Variants in GNAQ observed in about 807,000 individuals in gnomAD.
GNAQ encodes the protein guanine nucleotide-binding protein G(q) subunit alpha.
Under a neutral mutation model 43.9 loss-of-function variants are expected in GNAQ, and 8 were observed. The ratio of observed to expected loss-of-function variants is 0.18; its 90% CI spans 0.11 to 0.33. The LOEUF (loss-of-function observed/expected upper bound fraction) is 0.33, where lower values mean the gene tolerates loss of function less well. Ranked by LOEUF, GNAQ falls within the 10% of genes least tolerant of loss-of-function variation. GNAQ has a pLI of 1.00. For synonymous variants in GNAQ, 155 were observed against 170.7 expected, an observed-to-expected ratio of 0.91 and a Z score of 0.71; for missense variants, 158 against 450.8, an observed-to-expected ratio of 0.35 and a Z score of 5.88.
At chr9:77,786,672 C>T (rs964921941) in intron 5 of GNAQ, among the ~76,000 whole-genome samples, 27 of 152,242 alleles carry the variant, frequency 1.8e-4, no homozygotes, top group Admixed American at 7.2e-4. Flanking sequence ...ATGGAACAGA[C>T]GGATAATGCC....
rs189489178 is a variant in GNAQ at position 77,825,171 on chromosome 9, A to G, written c.322-9401T>C. Among the ~76,000 whole-genome samples, 11 of 152,380 alleles carry G rather than the reference A, an allele frequency of 7.2e-5. No individual in the cohort carries two copies. The East Asian group carries it at 2.1e-3, about 29-fold the overall frequency. On this transcript the variant is annotated intron_variant, in intron 2 of 6. Transcript: ENST00000286548. The stretch of plus-strand genomic sequence containing the variant: ...CAACTTTCTTTAGAAACAAAAATAC[A>G]GTACTTAATTTTTTGTTAAACATGC...
At chr9:77,861,173 A>C (rs1258723654) in intron 2 of GNAQ, among the ~76,000 whole-genome samples, 1 of 152,168 alleles carries the variant, frequency 6.6e-6, no homozygotes, top group Non-Finnish European at 1.5e-5. Flanking sequence ...AGAGAGCTTG[A>C]GCAGGGAAAC....
At chr9:77,831,045 T>C (rs1445522147) in intron 2 of GNAQ, among the ~76,000 whole-genome samples, 5 of 152,196 alleles carry the variant, frequency 3.3e-5, no homozygotes, top group Non-Finnish European at 5.9e-5. Flanking sequence ...CTTTGCATAA[T>C]TGGTGAATAA....
intron 2 of GNAQ, among the ~76,000 whole-genome samples, chr9:77,878,465 A>G (rs964980759): frequency 3.4e-4 from 52 of 152,120 alleles, no homozygotes; most frequent in African/African-American, 1.1e-3. Flanking sequence ...CATATCACCT[A>G]GTAACACCTA....
chr9:77,941,305 A>G (rs1829312073), intron 1 of GNAQ, among the ~76,000 whole-genome samples: 1 of 151,558 alleles, frequency 6.6e-6, no homozygotes, highest in Non-Finnish European at 1.5e-5. Context: ...GCTGGAGTGC[A>G]GTGGCGCAAT....
chr9:77,811,162 G>C (rs1272937661), intron 3 of GNAQ, among the ~76,000 whole-genome samples: 2 of 152,058 alleles, frequency 1.3e-5, no homozygotes, highest in African/African-American at 4.8e-5. Context: ...CCTACCACTA[G>C]AGACAGGCAG....
chr9:77,958,772 C>T (rs1412841838), intron 1 of GNAQ, among the ~76,000 whole-genome samples: 1 of 152,156 alleles, frequency 6.6e-6, no homozygotes, highest in Non-Finnish European at 1.5e-5. Context: ...GCAGTACCGA[C>T]TGTGGCCAAT....
At chr9:77,997,826 G>T (rs1823588485) in intron 1 of GNAQ, among the ~76,000 whole-genome samples, 1 of 152,074 alleles carries the variant, frequency 6.6e-6, no homozygotes. Flanking sequence ...CGTCCCAAAG[G>T]GCATCTCAAG....
At chr9:77,908,593 T>G (rs1425165016) in intron 2 of GNAQ, among the ~76,000 whole-genome samples, 1 of 152,210 alleles carries the variant, frequency 6.6e-6, no homozygotes, top group African/African-American at 2.4e-5. Context: ...ATGCTCACAC[T>G]AACCATACAA....
intron 5 of GNAQ, among the ~76,000 whole-genome samples, chr9:77,737,231 G>A (rs1477296438): frequency 6.6e-6 from 1 of 152,148 alleles, no homozygotes; most frequent in African/African-American, 2.4e-5. Context: ...TCACCTTCTC[G>A]TTGCTCTCTG....
chr9:77,981,224 C>T (rs1257105638), intron 1 of GNAQ, among the ~76,000 whole-genome samples: 2 of 152,160 alleles, frequency 1.3e-5, no homozygotes, highest in African/African-American at 2.4e-5. Flanking sequence ...TTTCTACTCA[C>T]TGCCAATATT....
rs547770073 is a variant in GNAQ, at chr9:77,835,633, C to T, written c.322-19863G>A. 3.2e-4 allele frequency among the ~76,000 whole-genome samples: 48 copies of T among 152,276 alleles called. 1 individual carries two copies. The South Asian group carries it at 9.7e-3, about 31-fold the overall frequency. The stretch of plus-strand genomic sequence containing the variant: ...GGCAGGCACCATTCTAAGCAGTTAA[C>T]ACAGAGTATGCATTTAATCTATACA... On this transcript the variant is annotated intron_variant, in intron 2 of 6. Coordinates refer to ENST00000286548, the MANE Select transcript of GNAQ (RefSeq NM_002072.5).
At chr9:77,988,513 C>T (rs1211468404) in intron 1 of GNAQ, among the ~76,000 whole-genome samples, 4 of 152,272 alleles carry the variant, frequency 2.6e-5, no homozygotes, top group African/African-American at 9.6e-5. Context: ...GAAGTATTAT[C>T]GAAAACAGGA....
intron 5 of GNAQ, among the ~76,000 whole-genome samples, chr9:77,792,137 T>C (rs1826584993): frequency 6.6e-6 from 1 of 152,180 alleles, no homozygotes; most frequent in South Asian, 2.1e-4. Context: ...AAGGAATTAA[T>C]GAACAGCACT....
intron 2 of GNAQ, among the ~76,000 whole-genome samples, chr9:77,902,353 C>A (rs1227206216): frequency 1.3e-5 from 2 of 152,146 alleles, no homozygotes; most frequent in Non-Finnish European, 2.9e-5. Flanking sequence ...TGAGTTTCAA[C>A]AAGAATGCTT....
intron 2 of GNAQ, among the ~76,000 whole-genome samples, chr9:77,899,344 G>A (rs1165566781): frequency 1.3e-5 from 2 of 152,064 alleles, no homozygotes; most frequent in African/African-American, 2.4e-5. Flanking sequence ...CGATCCACCT[G>A]CCTCAGCCTC....
At chr9:77,990,215 T>A (rs374824517) in intron 1 of GNAQ, among the ~76,000 whole-genome samples, 2 of 152,106 alleles carry the variant, frequency 1.3e-5, no homozygotes, top group African/African-American at 4.8e-5. Flanking sequence ...ATTGATCTTT[T>A]ATTTTATTGT....
At chr9:77,753,587 C>G (rs1239079033) in intron 5 of GNAQ, among the ~76,000 whole-genome samples, 5 of 152,104 alleles carry the variant, frequency 3.3e-5, no homozygotes, top group African/African-American at 4.8e-5. Flanking sequence ...TAAACATATT[C>G]CTAAGAATCC....
intron 1 of GNAQ, among the ~76,000 whole-genome samples, chr9:77,955,527 A>G (rs1018224070): frequency 6.6e-6 from 1 of 152,202 alleles, no homozygotes; most frequent in Non-Finnish European, 1.5e-5. Context: ...ATAACGCTAT[A>G]CTTTGTGTCT....
Sources: gnomAD v4.1 joint callset for allele counts (sites outside exome capture counted in the v4.1 genomes callset) on GRCh38, gnomAD v4.1.1 for gene constraint, MANE v1.5 for transcripts, NCBI Gene and HGNC (gene_info 2026-07-23, HGNC 2026-07-21) for gene names.